PHTF2: variants seen among roughly 807,000 people sequenced by gnomAD.
PHTF2 encodes the protein putative homeodomain transcription factor 2, also known as protein PHTF2.
In PHTF2, 60 loss-of-function variants were observed where a neutral mutation model predicts 101.2. The observed-to-expected ratio is 0.59, with a 90% CI of 0.48 to 0.73. The LOEUF (loss-of-function observed/expected upper bound fraction) is 0.73. PHTF2 is among the 30% of genes least tolerant of loss of function. The probability of loss-of-function intolerance (pLI) is 0.00; values close to 1 mark genes in which losing one functional copy is unlikely to be tolerated. For synonymous variants in PHTF2, 311 were observed against 307.3 expected, an observed-to-expected ratio of 1.01 and a Z score of -0.13; for missense variants, 747 against 908.7, an observed-to-expected ratio of 0.82 and a Z score of 2.29.
chr7:77,922,225 C>T (rs1803544859), intron 10 of PHTF2, among the ~76,000 whole-genome samples: 2 of 151,856 alleles, frequency 1.3e-5, no homozygotes, highest in East Asian at 3.9e-4. Flanking sequence ...CTGAGTTTTG[C>T]TATGTTGCCC....
At chr7:77,836,323 C>G (rs1462752191) in intron 1 of PHTF2, among the ~76,000 whole-genome samples, 1 of 151,980 alleles carries the variant, frequency 6.6e-6, no homozygotes, top group Non-Finnish European at 1.5e-5. Context: ...GAGTATCAGG[C>G]ACACTTGGTA....
At chr7:77,927,177 A>AAAAT (rs1554388762) in intron 11 of PHTF2, among the ~76,000 whole-genome samples, 1,570 of 77,796 alleles carry the variant, frequency 0.02, 78 homozygotes, top group Non-Finnish European at 0.03. Context: ...AAAAAAAAAA[A>AAAAT]ATATATATAT....
chr7:77,935,446 C>A (rs900960155), intron 12 of PHTF2, among the ~76,000 whole-genome samples: 1 of 152,090 alleles, frequency 6.6e-6, no homozygotes, highest in African/African-American at 2.4e-5. Flanking sequence ...AGGATGGCTA[C>A]TATCTCCTGA....
chr7:77,836,940 A>G (rs1795519325), intron 1 of PHTF2, among the ~76,000 whole-genome samples: 1 of 151,334 alleles, frequency 6.6e-6, no homozygotes, highest in South Asian at 2.1e-4. Flanking sequence ...CATTCTGCAC[A>G]TGTACCCCAA....
At chr7:77,907,878 C>G (rs111893259) in intron 7 of PHTF2, 12,202 of 152,176 alleles carry the variant, frequency 0.08, 704 homozygotes, top group Non-Finnish European at 0.12. Context: ...TGGATTCAGG[C>G]ATGGCTGGAT....
chr7:77,927,227 C>T (rs539614634), intron 11 of PHTF2, among the ~76,000 whole-genome samples: 1 of 126,180 alleles, frequency 7.9e-6, no homozygotes, highest in Admixed American at 8.6e-5. Context: ...CACACACAAA[C>T]ACACACATAC....
chr7:77,925,883 C>T (rs921229226), intron 11 of PHTF2, among the ~76,000 whole-genome samples: 2 of 151,846 alleles, frequency 1.3e-5, no homozygotes, highest in African/African-American at 4.8e-5. Context: ...TGGTGAAACC[C>T]CGTCTCTACG....
intron 9 of PHTF2, among the ~76,000 whole-genome samples, chr7:77,912,670 T>C (rs2150877885): frequency 6.7e-6 from 1 of 150,032 alleles, no homozygotes; most frequent in Non-Finnish European, 1.5e-5. Context: ...TGTATATATA[T>C]ATATTTTTAA....
At chr7:77,803,822 G>A (rs1428385241) in intron 1 of PHTF2, among the ~76,000 whole-genome samples, 2 of 151,876 alleles carry the variant, frequency 1.3e-5, no homozygotes, top group South Asian at 4.1e-4. Flanking sequence ...GGATTCAACC[G>A]GCAGAGTTGA....
intron 2 of PHTF2, among the ~76,000 whole-genome samples, chr7:77,847,074 C>T (rs1796363490): frequency 6.6e-6 from 1 of 152,078 alleles, no homozygotes; most frequent in Non-Finnish European, 1.5e-5. Context: ...CTGAAAGTGA[C>T]CTAATTTGGG....
chr7:77,927,465 A>G (rs893744496), intron 11 of PHTF2, among the ~76,000 whole-genome samples: 1 of 151,554 alleles, frequency 6.6e-6, no homozygotes, highest in South Asian at 2.1e-4. Flanking sequence ...TCGCAGTGGC[A>G]TGTGTCTGTA....
intron 18 of PHTF2, 145 bp downstream of exon 17, chr7:77,951,857 T>G (rs1347702826): frequency 7.4e-6 from 4 of 538,698 alleles, no homozygotes; most frequent in Non-Finnish European, 1.3e-5. Flanking sequence ...ATACATACAA[T>G]TTATATTTTA....
At chr7:77,937,947 C>T in intron 13 of PHTF2, 109 bp downstream of exon 12, 2 of 471,184 alleles carry the variant, frequency 4.2e-6, no homozygotes, top group Non-Finnish European at 3.4e-6. Context: ...ATTTCTTCAC[C>T]CTGAAAAAAA....
chr7:77,894,349 TGC>T (rs568331361), intron 5 of PHTF2, among the ~76,000 whole-genome samples: 123 of 152,334 alleles, frequency 8.1e-4, no homozygotes, highest in African/African-American at 2.9e-3. Flanking sequence ...AGTGTGTTTT[TGC>T]ACGAGCTAAA....
At chr7:77,878,477 G>A (rs977621948) in intron 3 of PHTF2, among the ~76,000 whole-genome samples, 4 of 152,130 alleles carry the variant, frequency 2.6e-5, no homozygotes, top group Non-Finnish European at 5.9e-5. Flanking sequence ...AGCAACTGGG[G>A]AGGTTATGAA....
At chr7:77,859,787 C>G (rs1164054019) in intron 3 of PHTF2, among the ~76,000 whole-genome samples, 2 of 152,054 alleles carry the variant, frequency 1.3e-5, no homozygotes, top group Non-Finnish European at 2.9e-5. Flanking sequence ...GTTGCTCAGG[C>G]TGGCCTTGAA....
intron 16 of PHTF2, 72 bp from the exon 16 acceptor site, chr7:77,949,606 A>G (rs1438060140): frequency 1.1e-5 from 8 of 739,696 alleles, no homozygotes; most frequent in South Asian, 3.9e-5. Flanking sequence ...TGAACAATCT[A>G]TGTTTATTTC....
intron 1 of PHTF2, among the ~76,000 whole-genome samples, chr7:77,826,617 G>C (rs1351183447): frequency 6.6e-6 from 1 of 152,170 alleles, no homozygotes; most frequent in Non-Finnish European, 1.5e-5. Flanking sequence ...CCAACTACAA[G>C]TACTACCCAA....
At chr7:77,875,329 A>T (rs564680772) in intron 3 of PHTF2, among the ~76,000 whole-genome samples, 1 of 152,086 alleles carries the variant, frequency 6.6e-6, no homozygotes, top group African/African-American at 2.4e-5. Context: ...TTTTAAAAAA[A>T]TAGTTTAATT....
Sources: allele counts gnomAD v4.1 joint callset (sites outside exome capture counted in the v4.1 genomes callset), GRCh38; gene constraint gnomAD v4.1.1; transcripts MANE v1.5; gene names NCBI Gene and HGNC (gene_info 2026-07-23, HGNC 2026-07-21).